NHERF4: variants seen among roughly 807,000 people sequenced by gnomAD.
The protein encoded by NHERF4 is NHERF family PDZ scaffold protein 4.
At chr11:119,185,835 C>T in the NHERF4 span, 1 of 1,578,292 alleles carries the variant, frequency 6.3e-7, no homozygotes, top group East Asian at 2.2e-5. Context: ...GGGGGTTTCC[C>T]TGAGTCCTTT....
At chr11:119,189,673 T>C in the NHERF4 span, 22 of 685,382 alleles carry the variant, frequency 3.2e-5, no homozygotes, top group Non-Finnish European at 5.2e-5. This position sits in a 1 kb window ranked among gnomAD's most constrained non-coding sequence, Gnocchi z 5.8. Context: ...GAGGGTGTGG[T>C]TGGAGGCCTC....
the NHERF4 span, chr11:119,189,253 G>C: frequency 6.4e-7 from 1 of 1,564,784 alleles, no homozygotes. The surrounding 1 kb of genome is among the most constrained non-coding windows in gnomAD (Gnocchi z 5.8). Flanking sequence ...CAGAGGGCAG[G>C]GAGGAGTGAG....
chr11:119,187,682 C>T, the NHERF4 span: 1 of 1,521,652 alleles, frequency 6.6e-7, no homozygotes, highest in South Asian at 1.3e-5. Flanking sequence ...AGTTCACTCA[C>T]AACCAACTCA....
At chr11:119,186,171 TC>T in the NHERF4 span, 8 of 1,614,036 alleles carry the variant, frequency 5.0e-6, no homozygotes, top group Non-Finnish European at 6.8e-6. This position sits in a 1 kb window ranked among gnomAD's most constrained non-coding sequence, Gnocchi z 4.4. Context: ...CTATGGTAAC[TC>T]CCTCACCCCC....
At chr11:119,185,538 G>C in the NHERF4 span, 31 of 1,609,580 alleles carry the variant, frequency 1.9e-5, no homozygotes, top group Non-Finnish European at 2.2e-5. Context: ...ATCCTCTGCA[G>C]GGGACTTTGG....
the NHERF4 span, chr11:119,187,575 C>T: frequency 1.9e-6 from 3 of 1,592,604 alleles, no homozygotes; most frequent in Non-Finnish European, 2.6e-6. Flanking sequence ...CAATCAGGGT[C>T]CTTTCTGGTT....
At chr11:119,186,449 C>A in the NHERF4 span, 2 of 1,612,302 alleles carry the variant, frequency 1.2e-6, no homozygotes, top group Non-Finnish European at 8.5e-7. The surrounding 1 kb of genome is among the most constrained non-coding windows in gnomAD (Gnocchi z 4.4). Context: ...CCTCTCCTCC[C>A]CCTTTTCTGC....
the NHERF4 span, chr11:119,185,709 T>C: frequency 5.1e-6 from 4 of 779,368 alleles, no homozygotes; most frequent in East Asian, 1.1e-4. Flanking sequence ...CTCAGATTTA[T>C]GTGCCAAGGA....
the NHERF4 span, chr11:119,189,209 A>C: frequency 6.2e-7 from 1 of 1,602,888 alleles, no homozygotes; most frequent in Non-Finnish European, 8.5e-7. The surrounding 1 kb of genome is among the most constrained non-coding windows in gnomAD (Gnocchi z 5.8). Flanking sequence ...TGCAGAGGTG[A>C]GGAAGAAGAA....
chr11:119,189,403 G>T, the NHERF4 span: 4 of 1,598,040 alleles, frequency 2.5e-6, no homozygotes, highest in Non-Finnish European at 3.4e-6. This position sits in a 1 kb window ranked among gnomAD's most constrained non-coding sequence, Gnocchi z 5.8. Context: ...GGCGGGGCAA[G>T]AAAAAGGAAC....
the NHERF4 span, among the ~76,000 whole-genome samples, chr11:119,186,944 G>A: frequency 6.6e-6 from 1 of 152,146 alleles, no homozygotes; most frequent in Non-Finnish European, 1.5e-5. This position sits in a 1 kb window ranked among gnomAD's most constrained non-coding sequence, Gnocchi z 4.4. Flanking sequence ...TTCAAGACCA[G>A]CCTGGCCAAC....
the NHERF4 span, chr11:119,187,723 C>T: frequency 3.4e-6 from 5 of 1,483,668 alleles, no homozygotes; most frequent in Non-Finnish European, 4.5e-6. Flanking sequence ...GTCTCCCACT[C>T]TCCTCCCCCA....
the NHERF4 span, chr11:119,187,973 G>T: frequency 1.3e-6 from 2 of 1,574,668 alleles, no homozygotes; most frequent in African/African-American, 2.7e-5. Flanking sequence ...GACCTTGCTG[G>T]TGGCAGGGCC....
chr11:119,188,325 A>G, the NHERF4 span: 267 of 1,612,124 alleles, frequency 1.7e-4, no homozygotes, highest in Non-Finnish European at 2.2e-4. Flanking sequence ...GGATAGCTGG[A>G]GAGGAGCAGT....
the NHERF4 span, chr11:119,188,381 G>A: frequency 1.9e-6 from 3 of 1,614,002 alleles, no homozygotes; most frequent in Admixed American, 5.0e-5. Flanking sequence ...GGTGGACCCG[G>A]GACTGCCAGC....
the NHERF4 span, chr11:119,186,801 G>A: frequency 9.1e-7 from 1 of 1,099,096 alleles, no homozygotes; most frequent in Non-Finnish European, 1.3e-6. The surrounding 1 kb of genome is among the most constrained non-coding windows in gnomAD (Gnocchi z 4.4). Flanking sequence ...CCACACCCCA[G>A]GATTTAGAAG....
the NHERF4 span, chr11:119,187,461 T>C: frequency 1.9e-6 from 3 of 1,613,790 alleles, no homozygotes; most frequent in Non-Finnish European, 1.7e-6. Flanking sequence ...TCACCCATGG[T>C]GAGCCCAGAG....
the NHERF4 span, chr11:119,189,370 C>CG: frequency 6.5e-7 from 1 of 1,540,134 alleles, no homozygotes; most frequent in Non-Finnish European, 9.0e-7. This position sits in a 1 kb window ranked among gnomAD's most constrained non-coding sequence, Gnocchi z 5.8. Flanking sequence ...AAATAAACCC[C>CG]ATTTCTGGGC....
the NHERF4 span, chr11:119,188,155 G>A: frequency 6.5e-7 from 1 of 1,528,258 alleles, no homozygotes; most frequent in Non-Finnish European, 8.8e-7. Flanking sequence ...GTGAGTGGGA[G>A]CCCTGGGGGC....
Sources: allele counts gnomAD v4.1 joint callset (sites outside exome capture counted in the v4.1 genomes callset), GRCh38; gene constraint gnomAD v4.1.1; non-coding constraint Gnocchi (gnomAD v3.1); transcripts MANE v1.5; gene names NCBI Gene and HGNC (gene_info 2026-07-23, HGNC 2026-07-21).